The following ADGRL2 variants were observed in gnomAD, a reference collection of about 807,000 sequenced individuals.
ADGRL2 encodes calcium-independent alpha-latrotoxin receptor 2.
In ADGRL2, 44 loss-of-function variants were observed where a neutral mutation model predicts 157.4. That is an observed-to-expected ratio of 0.28 (90% confidence interval 0.22 to 0.36). The LOEUF is 0.36. ADGRL2 is among the 10% of genes least tolerant of loss of function. ADGRL2 has a pLI of 1.00. For missense variants in ADGRL2, 1,510 were observed against 1,768.9 expected (o/e 0.85, Z 2.63); for synonymous variants, 585 against 624.7 (o/e 0.94, Z 0.95).
chr1:81,526,068 T>A (rs1299439637), intron 2 of ADGRL2, among the ~76,000 whole-genome samples: 1 of 149,280 alleles, frequency 6.7e-6, no homozygotes. Flanking sequence ...CCCAGTTTAA[T>A]TGGACAAAGA....
intron 2 of ADGRL2, among the ~76,000 whole-genome samples, chr1:81,479,638 C>G (rs928453532): frequency 6.6e-6 from 1 of 152,110 alleles, no homozygotes; most frequent in Non-Finnish European, 1.5e-5. Flanking sequence ...GGGAAAACAA[C>G]CTCAAATGGA....
Position 81,841,119 on chromosome 1 carries a change from C to G in ADGRL2, c.73+4062C>G, listed in dbSNP as rs183710242. 2.0e-4 allele frequency among the ~76,000 whole-genome samples: 30 copies of G among 152,222 alleles called. 1 individual carries two copies. The highest frequency in any genetic ancestry group is 7.2e-4 in the Admixed American group (11 of 15,274). ...AGTAATGCAGATTTCAGGTTGAATC[C>G]TTTATGCAGTGAATATGTAATTAGA... On this transcript the variant is annotated intron_variant, in intron 2 of 23. Transcript: ENST00000686636.
At chr1:81,669,205 C>T (rs1223223239) in intron 3 of ADGRL2, among the ~76,000 whole-genome samples, 1 of 151,938 alleles carries the variant, frequency 6.6e-6, no homozygotes, top group Non-Finnish European at 1.5e-5. Context: ...ATAAATAGAT[C>T]TGGGTGAGTA....
At chr1:81,711,820 G>A (rs1204479276) in intron 1 of ADGRL2, among the ~76,000 whole-genome samples, 2 of 152,170 alleles carry the variant, frequency 1.3e-5, no homozygotes, top group African/African-American at 4.8e-5. Flanking sequence ...AGGGTCCAGG[G>A]ACCCCAGAGG....
chr1:81,427,008 A>C, intron 1 of ADGRL2: 1 of 989,178 alleles, frequency 1.0e-6, no homozygotes, highest in Non-Finnish European at 1.6e-6. Context: ...ATTGTTATTC[A>C]GAAATACCAC....
At chr1:81,747,033 C>CAT (rs1557615869) in intron 1 of ADGRL2, among the ~76,000 whole-genome samples, 1 of 143,046 alleles carries the variant, frequency 7.0e-6, no homozygotes, top group African/African-American at 2.6e-5. Flanking sequence ...CGTGTATATA[C>CAT]GTATATATAT....
At chr1:81,675,281 A>G (rs2082962507) in intron 3 of ADGRL2, among the ~76,000 whole-genome samples, 1 of 152,242 alleles carries the variant, frequency 6.6e-6, no homozygotes, top group Admixed American at 6.5e-5. Context: ...TTTTAATTTG[A>G]CAATATAGCT....
intron 2 of ADGRL2, among the ~76,000 whole-genome samples, chr1:81,776,412 C>T (rs2086587766): frequency 6.6e-6 from 1 of 152,170 alleles, no homozygotes; most frequent in Admixed American, 6.5e-5. Flanking sequence ...TGGTCTCAAT[C>T]TCTTGACCTC....
chr1:81,946,010 A>G (rs1649703487), intron 6 of ADGRL2, among the ~76,000 whole-genome samples: 1 of 152,106 alleles, frequency 6.6e-6, no homozygotes, highest in South Asian at 2.1e-4. Context: ...GGTCAAACCA[A>G]TAAGCCACTG....
chr1:81,464,010 C>T (rs1208659433), intron 2 of ADGRL2, among the ~76,000 whole-genome samples: 1 of 151,902 alleles, frequency 6.6e-6, no homozygotes, highest in Non-Finnish European at 1.5e-5. Flanking sequence ...AAAACAAACC[C>T]TTCTAGTGCT....
intron 2 of ADGRL2, among the ~76,000 whole-genome samples, chr1:81,559,941 T>G (rs1218502391): frequency 1.3e-5 from 2 of 152,236 alleles, no homozygotes; most frequent in African/African-American, 4.8e-5. Context: ...ATTGTGTATT[T>G]ATTATGACAG....
chr1:81,419,159 TTTATTCAGCAACC>T (rs2101524946), intron 1 of ADGRL2, among the ~76,000 whole-genome samples: 1 of 133,020 alleles, frequency 7.5e-6, no homozygotes, highest in East Asian at 1.9e-4. Flanking sequence ...GGACTGTTTC[TTTATTCAGCAACC>T]TTATACAGAA....
At chr1:81,383,807 A>C (rs1476619819) in intron 1 of ADGRL2, among the ~76,000 whole-genome samples, 1 of 82,256 alleles carries the variant, frequency 1.2e-5, no homozygotes, top group Non-Finnish European at 2.7e-5. Context: ...TACTAAAAAT[A>C]CAAAAAAAAA....
At position 81,986,885 on chromosome 1, in the gene ADGRL2, T is replaced by G. The variant is rs777020729; in HGVS notation, c.3509-16T>G. ...ACTTTTCTCTGTTTTTTTGTTGTTT[T>G]TTTTTTTTACTTTAGGAATGACTGG... On this transcript the variant is annotated splice_polypyrimidine_tract_variant and intron_variant, in intron 21 of 23. Coordinates refer to ENST00000686636, the MANE Select transcript of ADGRL2 (RefSeq NM_001366006.2). 1 of 1,591,340 alleles carries G rather than the reference T, an allele frequency of 6.3e-7. No homozygotes were observed. The highest frequency in any genetic ancestry group is 1.4e-5 in the African/African-American group (1 of 73,066).
chr1:81,329,924 G>A (rs377322243), intron 1 of ADGRL2, among the ~76,000 whole-genome samples: 14 of 152,246 alleles, frequency 9.2e-5, no homozygotes, highest in South Asian at 8.3e-4. Flanking sequence ...TTTTCTGACA[G>A]CTCTGCTGGT....
intron 2 of ADGRL2, among the ~76,000 whole-genome samples, chr1:81,900,291 AT>A (rs2094462737): frequency 6.6e-6 from 1 of 152,196 alleles, no homozygotes; most frequent in Admixed American, 6.5e-5. Context: ...ACGGGGAAAC[AT>A]TATTTATGAA....
intron 2 of ADGRL2, among the ~76,000 whole-genome samples, chr1:81,891,461 T>A (rs1005074405): frequency 2.6e-5 from 4 of 152,144 alleles, no homozygotes; most frequent in Non-Finnish European, 5.9e-5. Context: ...AAATATATGA[T>A]GCTGTCTGTT....
chr1:81,729,689 A>AGAAGT (rs1329238793), intron 1 of ADGRL2, among the ~76,000 whole-genome samples: 2 of 152,110 alleles, frequency 1.3e-5, no homozygotes, highest in East Asian at 3.8e-4. Context: ...CATTTAACTG[A>AGAAGT]TTTCTGACAG....
At chr1:81,677,487 G>T (rs1056534582) in intron 3 of ADGRL2, among the ~76,000 whole-genome samples, 3 of 152,150 alleles carry the variant, frequency 2.0e-5, no homozygotes, top group African/African-American at 7.2e-5. Flanking sequence ...TGAAATATTT[G>T]GGATGGGGTG....
Sources: gnomAD v4.1 joint callset for allele counts (sites outside exome capture counted in the v4.1 genomes callset) on GRCh38, gnomAD v4.1.1 for gene constraint, MANE v1.5 for transcripts, NCBI Gene and HGNC (gene_info 2026-07-23, HGNC 2026-07-21) for gene names.